The following UBE2D3 variants were observed in gnomAD, a reference collection of about 807,000 sequenced individuals.
UBE2D3 encodes the protein ubiquitin conjugating enzyme E2 D3.
Under a neutral mutation model 22.8 loss-of-function variants are expected in UBE2D3, and 2 were observed. That is an observed-to-expected ratio of 0.09 (90% CI 0.04 to 0.28). The LOEUF is 0.28. Ranked by LOEUF, UBE2D3 falls within the 10% of genes least tolerant of loss-of-function variation. UBE2D3 has a pLI of 1.00. For missense variants in UBE2D3, 27 were observed against 182.5 expected (o/e 0.15, Z 4.91); for synonymous variants, 56 against 60.4 (o/e 0.93, Z 0.34).
Position 102,826,470 on chromosome 4 carries a change from G to A in UBE2D3, c.24+15C>T, listed in dbSNP as rs757467417. 2.5e-6 allele frequency: 4 copies of A among 1,613,084 alleles called. No homozygotes were observed. The South Asian group carries it at 4.4e-5, about 18-fold the overall frequency. ...TTTTCTCCTACCACCCCATGCCCTT[G>A]TCCCCGCGGGTTACCTTATTAATCC... is the stretch of plus-strand genomic sequence containing the variant. On this transcript the variant is annotated intron_variant, in intron 2 of 7. Coordinates refer to ENST00000453744, the MANE Select transcript of UBE2D3 (RefSeq NM_181891.3).
At position 102,806,595 on chromosome 4, in the gene UBE2D3, A is replaced by G. The variant is rs149024458; in HGVS notation, c.120+3077T>C. ...ATTCAGATAGTTTTTCTGGTTGACT[A>G]TGCTCAGGCTGCCAAAGGTTACATT... On this transcript the variant is annotated intron_variant, in intron 4 of 7. Coordinates refer to ENST00000453744, the MANE Select transcript of UBE2D3 (RefSeq NM_181891.3). Among the ~76,000 whole-genome samples, 4 of 152,286 alleles carry G rather than the reference A, an allele frequency of 2.6e-5. No homozygotes were observed. The East Asian group carries it at 7.7e-4, about 29-fold the overall frequency.
At chr4:102,826,365 T>A in intron 2 of UBE2D3, 120 bp downstream of exon 2, 1 of 1,271,708 alleles carries the variant, frequency 7.9e-7, no homozygotes, top group East Asian at 2.3e-5. Flanking sequence ...CATCCCCCCA[T>A]GGAAGAAGTG....
In UBE2D3 at chr4:102,863,287, G is replaced by A. The variant is rs1189071922; in HGVS notation, c.-129+5428C>T. On this transcript the variant is annotated intron_variant, in intron 1 of 7. Transcript: ENST00000338145. ...TCTGGTCTCGAACTCCTGACGTCAGGTGAGCCACCCACCTTGGCCTCCCAA... is the reference window on the plus strand; with the variant it reads ...TCTGGTCTCGAACTCCTGACGTCAGATGAGCCACCCACCTTGGCCTCCCAA... 2.6e-5 allele frequency among the ~76,000 whole-genome samples: 4 copies of A among 152,048 alleles called. No individual in the cohort carries two copies. In the East Asian group the frequency reaches 5.8e-4, roughly 22 times the overall value.
chr4:102,802,779 TCA>T (rs1726400307), intron 4 of UBE2D3, 141 bp from the exon 5 acceptor site: 1 of 545,824 alleles, frequency 1.8e-6, no homozygotes, highest in South Asian at 3.9e-5. Flanking sequence ...CCATGAAAAT[TCA>T]GTCTATAGTA....
intron 1 of UBE2D3, among the ~76,000 whole-genome samples, chr4:102,862,082 T>C (rs534141839): frequency 6.6e-6 from 1 of 151,968 alleles, no homozygotes; most frequent in African/African-American, 2.4e-5. Flanking sequence ...TACCACAAAG[T>C]GTTATGGAAG....
intron 7 of UBE2D3, among the ~76,000 whole-genome samples, chr4:102,797,924 T>C (rs1725458211): frequency 1.3e-5 from 2 of 151,908 alleles, no homozygotes; most frequent in Non-Finnish European, 2.9e-5. Flanking sequence ...TCCTGGATAT[T>C]ACAAGAAAAA....
At chr4:102,815,536 G>GA (rs1487556020) in intron 2 of UBE2D3, among the ~76,000 whole-genome samples, 4 of 152,092 alleles carry the variant, frequency 2.6e-5, no homozygotes, top group African/African-American at 4.8e-5. Flanking sequence ...AAGAAAGTAA[G>GA]AAAGTATTTC....
upstream of UBE2D3, chr4:102,827,746 A>G (rs1730815975): frequency 2.0e-6 from 2 of 985,746 alleles, no homozygotes; most frequent in Non-Finnish European, 2.4e-6. Context: ...TTCTTACTAA[A>G]CAGATCGGAG....
intron 1 of UBE2D3, among the ~76,000 whole-genome samples, chr4:102,835,372 T>A (rs1325567060): frequency 2.0e-5 from 3 of 152,264 alleles, no homozygotes; most frequent in Admixed American, 6.5e-5. Context: ...GCATTTTATA[T>A]CATGGATTTA....
intron 1 of UBE2D3, among the ~76,000 whole-genome samples, chr4:102,858,230 G>C (rs1260190102): frequency 6.6e-6 from 1 of 151,824 alleles, no homozygotes. Context: ...AAATAGTAGT[G>C]GCTATTTTAT....
rs564435421 is a variant in UBE2D3 at position 102,795,168 on chromosome 4, G to C, written c.*2247C>G. ...AATGAAATGATGTATAAAGCATCAA[G>C]TCAAAGATACAGAGAACTGGACACA... On this transcript the variant is annotated 3_prime_UTR_variant, in exon 8 of 8. Coordinates refer to ENST00000453744, the MANE Select transcript of UBE2D3 (RefSeq NM_181891.3). 6.6e-6 allele frequency: 1 copy of C among 151,994 alleles called. No homozygotes were observed. The highest frequency in any genetic ancestry group is 1.5e-5 in the Non-Finnish European group (1 of 67,924). 9.4% of individuals were successfully genotyped at this position (151,994 alleles called of 1,614,324 possible).
At chr4:102,811,860 GA>G (rs1225639829) in intron 2 of UBE2D3, 56 of 386,452 alleles carry the variant, frequency 1.4e-4, no homozygotes, top group South Asian at 2.6e-4. Context: ...TCCATAAAAA[GA>G]AAAAAAAATT....
At chr4:102,868,474 G>A (rs1318273270) in intron 1 of UBE2D3, among the ~76,000 whole-genome samples, 3 of 152,196 alleles carry the variant, frequency 2.0e-5, no homozygotes, top group Non-Finnish European at 4.4e-5. Flanking sequence ...GGTTTTTGGA[G>A]CTAGGGCTGC....
intron 1 of UBE2D3, among the ~76,000 whole-genome samples, chr4:102,840,391 A>G (rs1265064353): frequency 6.6e-6 from 1 of 152,266 alleles, no homozygotes; most frequent in Middle Eastern, 3.2e-3. Context: ...GGCCACAAAA[A>G]AGAATGAAAT....
At chr4:102,819,438 G>C (rs971935269) in intron 2 of UBE2D3, 22 of 261,784 alleles carry the variant, frequency 8.4e-5, no homozygotes, top group South Asian at 1.4e-4. Flanking sequence ...TGAAGCTACA[G>C]AGCAGCCATG....
chr4:102,840,923 AG>A (rs1401829664), intron 1 of UBE2D3, among the ~76,000 whole-genome samples: 1 of 152,098 alleles, frequency 6.6e-6, no homozygotes, highest in South Asian at 2.1e-4. Context: ...AGGCTGAGGC[AG>A]GAGAATCGCT....
chr4:102,798,834 A>G, intron 7 of UBE2D3: 9 of 1,161,150 alleles, frequency 7.8e-6, no homozygotes, highest in Non-Finnish European at 1.1e-5. Context: ...CATATTTGTT[A>G]CCTTTTGTTA....
chr4:102,838,905 AG>A (rs1731583863), intron 1 of UBE2D3, among the ~76,000 whole-genome samples: 1 of 151,762 alleles, frequency 6.6e-6, no homozygotes, highest in African/African-American at 2.4e-5. Flanking sequence ...ATGATACAAG[AG>A]GAGAGTTTCT....
chr4:102,797,764 T>G (rs1409219302), intron 7 of UBE2D3, among the ~76,000 whole-genome samples: 1 of 152,036 alleles, frequency 6.6e-6, no homozygotes, highest in African/African-American at 2.4e-5. Context: ...TGCTCTAATT[T>G]TAACGTGAAG....
Sources: gnomAD v4.1 joint callset for allele counts (sites outside exome capture counted in the v4.1 genomes callset) on GRCh38, gnomAD v4.1.1 for gene constraint, MANE v1.5 for transcripts, NCBI Gene and HGNC (gene_info 2026-07-23, HGNC 2026-07-21) for gene names.